GABRA1: variants seen among roughly 807,000 people sequenced by gnomAD.
GABRA1 encodes the protein gamma-aminobutyric acid type A receptor subunit alpha1.
In GABRA1, 9 loss-of-function variants were observed where a neutral mutation model predicts 48.9. That is an observed-to-expected ratio of 0.18 (90% CI 0.11 to 0.32). The LOEUF (loss-of-function observed/expected upper bound fraction) is 0.32. Ranked by LOEUF, GABRA1 falls within the 10% of genes least tolerant of loss-of-function variation. The pLI, the probability that GABRA1 is intolerant of heterozygous loss-of-function variation, is 1.00. For synonymous variants in GABRA1, 210 were observed against 198.7 expected (o/e 1.06, Z -0.48); for missense variants, 285 against 553.8 (o/e 0.51, Z 4.87).
At chr5:161,883,117 A>G (rs1293692175) in intron 7 of GABRA1, among the ~76,000 whole-genome samples, 2 of 152,144 alleles carry the variant, frequency 1.3e-5, no homozygotes, top group Non-Finnish European at 2.9e-5. Context: ...GCTTTTCATA[A>G]ATAACTATTT....
In GABRA1 at chr5:161,882,698, A is replaced by ACAGG; in HGVS notation, c.701_703+1dup. 6.2e-7 allele frequency: 1 copy of ACAGG among 1,613,312 alleles called. No individual in the cohort carries two copies. The highest frequency in any genetic ancestry group is 8.5e-7 in the Non-Finnish European group (1 of 1,179,478). On this transcript the variant is annotated frameshift_variant, in exon 7 of 10. Coordinates refer to ENST00000393943, the MANE Select transcript of GABRA1 (RefSeq NM_001127644.2). LOFTEE classifies it high-confidence loss of function. The stretch of plus-strand genomic sequence containing the variant: ...AGACTCTGGAATTGTCCAGTCAAGT[A>ACAGG]CAGGTAAGTACGATTTTGTTACTTC...
chr5:161,890,469 C>G (rs1459081927), intron 7 of GABRA1, among the ~76,000 whole-genome samples: 1 of 152,036 alleles, frequency 6.6e-6, no homozygotes, highest in Non-Finnish European at 1.5e-5. Flanking sequence ...GATGTACACG[C>G]CAAAGCTTCT....
At chr5:161,881,366 T>C (rs1754605709) in intron 6 of GABRA1, among the ~76,000 whole-genome samples, 1 of 152,178 alleles carries the variant, frequency 6.6e-6, no homozygotes, top group Non-Finnish European at 1.5e-5. Flanking sequence ...ATGGAATTCC[T>C]TTTCCTTCTC....
chr5:161,888,937 A>G (rs998534361), intron 7 of GABRA1, among the ~76,000 whole-genome samples: 3 of 152,064 alleles, frequency 2.0e-5, no homozygotes, highest in Non-Finnish European at 4.4e-5. Flanking sequence ...GGTATTAAAT[A>G]CTGAGGATAT....
At chr5:161,852,579 C>T (rs970875538) in intron 2 of GABRA1, among the ~76,000 whole-genome samples, 2 of 151,764 alleles carry the variant, frequency 1.3e-5, no homozygotes, top group African/African-American at 4.8e-5. Flanking sequence ...ACTATTTTTG[C>T]CTTACTGTTG....
At chr5:161,863,712 T>C (rs1050370930) in intron 3 of GABRA1, among the ~76,000 whole-genome samples, 1 of 152,022 alleles carries the variant, frequency 6.6e-6, no homozygotes, top group Non-Finnish European at 1.5e-5. Flanking sequence ...TTTACTTGTT[T>C]TCATGTCTTT....
chr5:161,870,366 A>G (rs1387540143), intron 4 of GABRA1, among the ~76,000 whole-genome samples: 1 of 152,062 alleles, frequency 6.6e-6, no homozygotes, highest in Non-Finnish European at 1.5e-5. Flanking sequence ...GTTTGAGACC[A>G]GCCTGACCAA....
intron 3 of GABRA1, among the ~76,000 whole-genome samples, chr5:161,859,316 A>G (rs948820169): frequency 6.6e-6 from 1 of 151,656 alleles, no homozygotes; most frequent in African/African-American, 2.4e-5. Flanking sequence ...TTTAAGACTA[A>G]CCTTTAGCCT....
At chr5:161,858,541 T>C (rs1275231578) in intron 3 of GABRA1, among the ~76,000 whole-genome samples, 2 of 151,768 alleles carry the variant, frequency 1.3e-5, no homozygotes, top group Non-Finnish European at 2.9e-5. Context: ...CACACTGATG[T>C]ACAGTTTATC....
Position 161,872,496 on chromosome 5 carries a change from A to G in GABRA1, c.256-621A>G, listed in dbSNP as rs537330260. Among the ~76,000 whole-genome samples the G allele has an allele frequency of 2.0e-5, 3 of 150,782 alleles. No individual in the cohort carries two copies. The South Asian group carries it at 6.4e-4, about 32-fold the overall frequency. ...TTTGTTCTTTTTCTTTTTGAAAAGG[A>G]TTCAAATTACCAGTAGAAGCAGTTT... On this transcript the variant is annotated intron_variant, in intron 4 of 9. Coordinates refer to ENST00000393943, the MANE Select transcript of GABRA1 (RefSeq NM_001127644.2).
At chr5:161,880,095 ACAGTAAAGTCAAATGAACGG>A (rs1561578869) in intron 6 of GABRA1, among the ~76,000 whole-genome samples, 1 of 152,202 alleles carries the variant, frequency 6.6e-6, no homozygotes, top group East Asian at 1.9e-4. Flanking sequence ...CTTACAAAAC[ACAGTAAAGTCAAATGAACGG>A]CATCCTAAGT....
intron 6 of GABRA1, among the ~76,000 whole-genome samples, chr5:161,877,133 A>T (rs1328984731): frequency 6.6e-6 from 1 of 152,112 alleles, no homozygotes. Context: ...TGTGGTATAG[A>T]CAGGGTCTAG....
rs183709924 is a variant in GABRA1, at chr5:161,857,197, C to T, written c.187+2927C>T. Among the ~76,000 whole-genome samples the T allele has an allele frequency of 5.5e-3, 839 of 151,242 alleles. 10 individuals carry two copies. Among genetic ancestry groups the T allele is most frequent in the African/African-American group, 0.019 (798 of 41,384 alleles). On this transcript the variant is annotated intron_variant, in intron 3 of 9. Coordinates refer to ENST00000393943, the MANE Select transcript of GABRA1 (RefSeq NM_001127644.2). Reference sequence around the variant, plus strand: ...ATTTCCTCTTGCAACATAAAGGTGCCCACTGTCTTCTTTATTATGACAAAA... The same window carrying T: ...ATTTCCTCTTGCAACATAAAGGTGCTCACTGTCTTCTTTATTATGACAAAA...
chr5:161,889,046 A>G (rs1561583802), intron 7 of GABRA1, among the ~76,000 whole-genome samples: 1 of 152,066 alleles, frequency 6.6e-6, no homozygotes. Flanking sequence ...CTAAAATGCA[A>G]AGTATGATAT....
rs1465067283 is a variant in GABRA1, at chr5:161,897,115, A to G, written c.1064A>G (p.Lys355Arg). The G allele has an allele frequency of 1.9e-6, 3 of 1,614,060 alleles. No individual in the cohort carries two copies. The highest frequency in any genetic ancestry group is 2.5e-6 in the Non-Finnish European group (3 of 1,179,942). Reference protein sequence around the residue: ...DGKSVVPEKPKKVKDPLIKKN... With the variant: ...DGKSVVPEKPRKVKDPLIKKN... Reference sequence around the variant, plus strand: ...CATTGCTCTTTCTTTCTACAGCCAAAGAAAGTAAAGGATCCTCTTATTAAG... The same window carrying G: ...CATTGCTCTTTCTTTCTACAGCCAAGGAAAGTAAAGGATCCTCTTATTAAG... The change falls in exon 10 of 10, where the codon AAG (lysine) becomes AGG (arginine). Residue 355 changes from lysine (K) to arginine (R), a missense_variant. Physicochemically the swap from Lys to Arg is conservative, Grantham distance 26. This residue lies in a region of GABRA1 where 99 missense variants were observed against 94.2 expected (regional missense o/e 1.05). Transcript: ENST00000393943.
intron 7 of GABRA1, among the ~76,000 whole-genome samples, chr5:161,886,566 A>C (rs991981435): frequency 6.6e-6 from 1 of 152,030 alleles, no homozygotes; most frequent in Admixed American, 6.6e-5. Context: ...ACTTGAGACC[A>C]GGTGTTCCAA....
intron 4 of GABRA1, among the ~76,000 whole-genome samples, chr5:161,872,736 A>T (rs996924754): frequency 6.6e-6 from 1 of 152,124 alleles, no homozygotes; most frequent in African/African-American, 2.4e-5. Context: ...GTCTAATTTA[A>T]ACATTTTTTT....
At chr5:161,865,213 A>T (rs1405513034) in intron 3 of GABRA1, among the ~76,000 whole-genome samples, 5 of 152,146 alleles carry the variant, frequency 3.3e-5, no homozygotes, top group Non-Finnish European at 7.4e-5. Context: ...TTCCCCAGGG[A>T]ATAATTGGAT....
At chr5:161,862,548 G>A (rs1757903766) in intron 3 of GABRA1, among the ~76,000 whole-genome samples, 2 of 151,726 alleles carry the variant, frequency 1.3e-5, no homozygotes, top group African/African-American at 4.8e-5. Context: ...GTGTATATAT[G>A]TGTTTTTGCA....
Sources: gnomAD v4.1 joint callset for allele counts (sites outside exome capture counted in the v4.1 genomes callset) on GRCh38, gnomAD v4.1.1 for gene constraint, gnomAD v4.1.1 regional missense constraint, MANE v1.5 for transcripts, NCBI Gene and HGNC (gene_info 2026-07-23, HGNC 2026-07-21) for gene names.